Variants in VDAC1 observed in about 807,000 individuals in gnomAD.
VDAC1 encodes non-selective voltage-gated ion channel VDAC1.
VDAC1 carries 10 observed loss-of-function variants against 34.7 expected under a neutral mutation model. The ratio of observed to expected loss-of-function variants is 0.29; its 90% CI spans 0.18 to 0.49. The LOEUF is 0.49. Ranked by LOEUF, VDAC1 falls within the 20% of genes least tolerant of loss-of-function variation. VDAC1 has a pLI of 0.99. For synonymous variants in VDAC1, 130 were observed against 136.0 expected (o/e 0.96, Z 0.30); for missense variants, 230 against 347.9 (o/e 0.66, Z 2.69).
rs544019036 is a variant in VDAC1, at chr5:133,996,885, C to T, written c.-6-3867G>A. 2.6e-5 allele frequency among the ~76,000 whole-genome samples: 4 copies of T among 152,246 alleles called. No individual in the cohort carries two copies. The East Asian group carries it at 7.7e-4, about 29-fold the overall frequency. ...AGAGTGGGGGAGTTGGGGAGACCCT[C>T]AACTAGCAATGACCTCCACTCCCTG... On this transcript the variant is annotated intron_variant, in intron 1 of 8. Transcript: ENST00000265333.
the VDAC1 span, among the ~76,000 whole-genome samples, chr5:134,082,508 T>C: frequency 1.3e-5 from 2 of 152,258 alleles, no homozygotes; most frequent in South Asian, 2.1e-4. Context: ...TTTGGGCTAT[T>C]ATAAATAAAG....
the VDAC1 span, among the ~76,000 whole-genome samples, chr5:134,070,298 T>C: frequency 1.1e-4 from 16 of 152,046 alleles, no homozygotes; most frequent in Admixed American, 3.3e-4. Flanking sequence ...CCTCCCAGCA[T>C]GCTCGGTTAA....
rs71581380 is a variant in VDAC1, at chr5:133,979,424, C to CTTTTTTTTTTTTTTTTTT, written c.551+1287_551+1304dup. On this transcript the variant is annotated intron_variant, in intron 6 of 8. Transcript: ENST00000265333. ...TATAATAAAATTGATATTTTCTTTGCTTTTTTTTTTTTTTTTTTTTTTTGA... is the reference window on the plus strand; with the variant it reads ...TATAATAAAATTGATATTTTCTTTGCTTTTTTTTTTTTTTTTTTTTTTTTTTTTTTTTTTTTTTTTTGA... Among the ~76,000 whole-genome samples the CTTTTTTTTTTTTTTTTTT allele has an allele frequency of 4.9e-5, 4 of 80,992 alleles. 1 individual carries two copies. Among genetic ancestry groups the CTTTTTTTTTTTTTTTTTT allele is most frequent in the Non-Finnish European group, 8.4e-5 (4 of 47,414 alleles). 53.1% of individuals were successfully genotyped at this position (80,992 alleles called of 152,430 possible). A position where few individuals can be genotyped will look rare whatever the true frequency, so the allele number is the denominator to read the frequency against.
At chr5:134,071,406 T>C in the VDAC1 span, among the ~76,000 whole-genome samples, 1 of 152,102 alleles carries the variant, frequency 6.6e-6, no homozygotes, top group Non-Finnish European at 1.5e-5. This position sits in a 1 kb window ranked among gnomAD's most constrained non-coding sequence, Gnocchi z 4.1. Context: ...GCGCCAGCTG[T>C]GCAGGTGGCG....
At chr5:134,085,120 G>A in the VDAC1 span, among the ~76,000 whole-genome samples, 1 of 151,626 alleles carries the variant, frequency 6.6e-6, no homozygotes, top group Non-Finnish European at 1.5e-5. Context: ...CCAGGCTGGA[G>A]TGCAGTGGCG....
the VDAC1 span, among the ~76,000 whole-genome samples, chr5:134,068,966 C>CTG: frequency 0.05 from 6,837 of 136,576 alleles, 287 homozygotes; most frequent in African/African-American, 0.11. Context: ...TGGGAGGTGA[C>CTG]TGTGTGTGTG....
upstream of VDAC1, among the ~76,000 whole-genome samples, chr5:134,006,371 T>C (rs1186349563): frequency 6.6e-6 from 1 of 152,070 alleles, no homozygotes; most frequent in Admixed American, 6.6e-5. Flanking sequence ...CAGATGCCGG[T>C]GCAACCCAGT....
At chr5:133,982,847 G>A (rs1258451730) in intron 5 of VDAC1, among the ~76,000 whole-genome samples, 2 of 147,164 alleles carry the variant, frequency 1.4e-5, no homozygotes, top group African/African-American at 2.5e-5. Context: ...CCAAGACCGC[G>A]CCACTGCACT....
chr5:134,056,434 ATTT>A, the VDAC1 span, among the ~76,000 whole-genome samples: 52,642 of 118,796 alleles, frequency 0.44, 10,351 homozygotes, highest in East Asian at 0.6. Flanking sequence ...GCTGCACTGA[ATTT>A]TTTTTTTTTT....
At chr5:133,998,939 C>T (rs892554187) in intron 1 of VDAC1, among the ~76,000 whole-genome samples, 1 of 152,172 alleles carries the variant, frequency 6.6e-6, no homozygotes, top group Non-Finnish European at 1.5e-5. Flanking sequence ...CAGCTCAGGG[C>T]GGTTCCTGCA....
At chr5:134,104,829 G>A in the VDAC1 span, among the ~76,000 whole-genome samples, 1 of 152,178 alleles carries the variant, frequency 6.6e-6, no homozygotes, top group South Asian at 2.1e-4. Flanking sequence ...CAAAGCGAGG[G>A]GATATACTTT....
At chr5:134,055,588 G>GTTTTTTTTTTTTTTTTTTTTTTTTTTTTT in the VDAC1 span, among the ~76,000 whole-genome samples, 1 of 59,626 alleles carries the variant, frequency 1.7e-5, no homozygotes, top group Non-Finnish European at 2.9e-5. Flanking sequence ...CCCCGCTAAT[G>GTTTTTTTTTTTTTTTTTTTTTTTTTTTTT]TTTTTTTTTT....
chr5:134,018,009 C>T, the VDAC1 span, among the ~76,000 whole-genome samples: 1 of 152,250 alleles, frequency 6.6e-6, no homozygotes, highest in African/African-American at 2.4e-5. Context: ...CCCCTCTATG[C>T]AGGTTGCACA....
the VDAC1 span, among the ~76,000 whole-genome samples, chr5:134,071,249 G>A: frequency 6.6e-6 from 1 of 152,250 alleles, no homozygotes; most frequent in Non-Finnish European, 1.5e-5. This position sits in a 1 kb window ranked among gnomAD's most constrained non-coding sequence, Gnocchi z 4.1. Context: ...CCACTGCCAA[G>A]GTGCGGACGC....
chr5:134,110,748 T>C, the VDAC1 span, among the ~76,000 whole-genome samples: 1 of 152,204 alleles, frequency 6.6e-6, no homozygotes, highest in Non-Finnish European at 1.5e-5. Flanking sequence ...ACTAAATCCA[T>C]CTGGGGCTCC....
the VDAC1 span, among the ~76,000 whole-genome samples, chr5:134,080,146 C>G: frequency 6.6e-6 from 1 of 152,244 alleles, no homozygotes; most frequent in Non-Finnish European, 1.5e-5. Flanking sequence ...ATTGGCCTCT[C>G]TCAGGCCACT....
At chr5:133,990,647 T>C (rs1161186543) in intron 5 of VDAC1, among the ~76,000 whole-genome samples, 1 of 152,158 alleles carries the variant, frequency 6.6e-6, no homozygotes, top group East Asian at 1.9e-4. Flanking sequence ...AGTCCTGAAT[T>C]AGGAAGTGCT....
chr5:133,999,875 G>A (rs1753474623), intron 1 of VDAC1, among the ~76,000 whole-genome samples: 2 of 152,058 alleles, frequency 1.3e-5, no homozygotes, highest in African/African-American at 4.8e-5. Flanking sequence ...CCAAGGAAGA[G>A]AGTACTATGG....
intron 1 of VDAC1, among the ~76,000 whole-genome samples, chr5:134,002,419 C>A (rs1753592340): frequency 6.6e-6 from 1 of 152,218 alleles, no homozygotes; most frequent in Admixed American, 6.5e-5. Flanking sequence ...TGTCCATCCA[C>A]CCACCATGAG....
Sources: allele counts gnomAD v4.1 joint callset (sites outside exome capture counted in the v4.1 genomes callset), GRCh38; gene constraint gnomAD v4.1.1; non-coding constraint Gnocchi (gnomAD v3.1); transcripts MANE v1.5; gene names NCBI Gene and HGNC (gene_info 2026-07-23, HGNC 2026-07-21).